Variants in NEU4 observed in about 807,000 individuals in gnomAD.
NEU4 encodes sialidase-4.
Under a neutral mutation model 9.9 loss-of-function variants are expected in NEU4, and 7 were observed. The ratio of observed to expected loss-of-function variants is 0.71; its 90% confidence interval spans 0.40 to 1.33. NEU4 has a LOEUF of 1.33. Among genes scored for constraint, NEU4 ranks in the 40% most tolerant of loss-of-function variants. The pLI, the probability that NEU4 is intolerant of heterozygous loss-of-function variation, is 0.01. For missense variants in NEU4, 717 were observed against 712.6 expected, an observed-to-expected ratio of 1.01 and a Z score of -0.07; for synonymous variants, 348 against 316.9, an observed-to-expected ratio of 1.10 and a Z score of -1.04.
intron 1 of NEU4, chr2:241,813,416 C>CAA (rs1700191201): frequency 1.8e-6 from 2 of 1,099,418 alleles, no homozygotes; most frequent in African/African-American, 3.4e-5. Context: ...GACCAGCGTT[C>CAA]CCACTGTCTG....
chr2:241,814,402 A>G (rs66482163), intron 1 of NEU4, 80 bp from the exon 2 acceptor site: 851,540 of 1,376,012 alleles, frequency 0.62, 265,409 homozygotes, highest in Non-Finnish European at 0.64. Flanking sequence ...TCCTGAGCGC[A>G]TTCCCCAGTC....
intron 1 of NEU4, chr2:241,810,822 A>G (rs1183616709): frequency 2.1e-6 from 1 of 472,604 alleles, no homozygotes; most frequent in African/African-American, 2.3e-5. Flanking sequence ...GACTGGCAGG[A>G]GTCCTGCGGG....
rs1214696827 is a variant in NEU4 at position 241,817,342 on chromosome 2, G to A, written c.*294G>A. ...GGCGCGGGACCGCAGGTAGCCCAGG[G>A]TGTTGTGGGTGGCAGCACTTGTTTA... On this transcript the variant is annotated 3_prime_UTR_variant, in exon 4 of 4. Transcript: ENST00000407683. 9.0e-6 allele frequency: 4 copies of A among 442,182 alleles called. No homozygotes were observed. The highest frequency in any genetic ancestry group is 6.8e-5 in the East Asian group (2 of 29,246). The allele number at this position is 442,182 out of a possible 1,614,324, so 27.4% of individuals were successfully genotyped here. A position where few individuals can be genotyped will look rare whatever the true frequency, so the allele number is the denominator to read the frequency against.
At chr2:241,810,726 G>GCA (rs1700084581) in intron 1 of NEU4, 2 of 158,554 alleles carry the variant, frequency 1.3e-5, no homozygotes, top group African/African-American at 2.4e-5. Flanking sequence ...CAGGAGTCCT[G>GCA]CGGGGACAGG....
At position 241,814,688 on chromosome 2, in the gene NEU4, G is replaced by A. The variant is rs572280827; in HGVS notation, c.201+3G>A. 38 of 1,545,756 alleles carry A rather than the reference G, an allele frequency of 2.5e-5. No homozygotes were observed. The East Asian group carries it at 7.5e-4, about 31-fold the overall frequency. On this transcript the variant is annotated splice_donor_region_variant and intron_variant, in intron 2 of 3. Transcript: ENST00000407683. ...CGCTGGCCGGGGGCTCCGTGCGGGT[G>A]AGTGAGTGGCCGGGGGCTCTGTGTG... is the stretch of plus-strand genomic sequence containing the variant.
Position 241,814,893 on chromosome 2 carries a change from G to C in NEU4, c.203G>C (p.Trp68Ser). The stretch of plus-strand genomic sequence containing the variant: ...AGCGGAACTTCCTCCTCTGGGCAGT[G>C]GGGTGCCCTGCACGTGCTGGGGACA... ...RGTLAGGSVR[W>S]GALHVLGTAA... The change falls in exon 3 of 4, where the codon TGG (tryptophan) becomes TCG (serine). Residue 68 changes from tryptophan to serine, a missense_variant and splice_region_variant. Physicochemically the swap from Trp to Ser is radical, Grantham distance 177 (BLOSUM62 -3). Coordinates refer to ENST00000407683, the MANE Select transcript of NEU4 (RefSeq NM_001167600.3). The C allele has an allele frequency of 6.2e-7, 1 of 1,608,204 alleles. No homozygotes were observed.
At chr2:241,814,277 C>T (rs1389648763) in intron 1 of NEU4, 21 of 613,258 alleles carry the variant, frequency 3.4e-5, no homozygotes, top group African/African-American at 1.1e-4. Flanking sequence ...GGAGTGGGTG[C>T]GAGGGAGGGT....
At chr2:241,812,945 C>T (rs901753060) in intron 1 of NEU4, among the ~76,000 whole-genome samples, 2 of 152,328 alleles carry the variant, frequency 1.3e-5, no homozygotes, top group African/African-American at 2.4e-5. Context: ...GGACACATGG[C>T]GTCTGCACCT....
At chr2:241,813,547 G>T (rs899826585) in intron 1 of NEU4, 19 of 1,269,178 alleles carry the variant, frequency 1.5e-5, no homozygotes, top group Middle Eastern at 2.5e-4. Context: ...GACCCCATGC[G>T]TGCCCCAAAT....
In NEU4 at chr2:241,815,039, A is replaced by G; in HGVS notation, c.349A>G (p.Thr117Ala). The change falls in exon 3 of 4, where the codon ACG (threonine) becomes GCG (alanine). Residue 117 changes from threonine to alanine, a missense_variant. Physicochemically the swap from Thr to Ala is moderately conservative, Grantham distance 58. Coordinates refer to ENST00000407683, the MANE Select transcript of NEU4 (RefSeq NM_001167600.3). ...GHTPEAVQIATGRNAARLCCV... is the reference protein window; with the variant it reads ...GHTPEAVQIAAGRNAARLCCV... Reference sequence around the variant, plus strand: ...CACGCCTGAGGCCGTGCAGATCGCCACGGGAAGGAACGCCGCGCGCCTCTG... The same window carrying G: ...CACGCCTGAGGCCGTGCAGATCGCCGCGGGAAGGAACGCCGCGCGCCTCTG... The G allele has an allele frequency of 6.3e-7, 1 of 1,596,378 alleles. No homozygotes were observed. Among genetic ancestry groups the G allele is most frequent in the Non-Finnish European group, 8.5e-7 (1 of 1,176,968 alleles).
At chr2:241,811,089 C>G in intron 1 of NEU4, 1 of 1,176,084 alleles carries the variant, frequency 8.5e-7, no homozygotes, top group Non-Finnish European at 1.0e-6. Context: ...AGGGCCGCGT[C>G]TCTGGAGCAG....
At position 241,816,235 on chromosome 2, in the gene NEU4, C is replaced by T. The variant is rs373188260; in HGVS notation, c.642C>T (p.Leu214=). The change falls in exon 4 of 4, where the codon CTC becomes CTT. Residue 214 remains leucine, a synonymous_variant. Transcript: ENST00000407683. ...GCCGCACCTGGCGCTGTGGAGGCCT[C>T]GTGCCCAACCTGCGCTCAGGCGAGT... The part of the protein sequence containing the change: ...DHGRTWRCGG[L]VPNLRSGECQ... 149 of 1,611,138 alleles carry T rather than the reference C, an allele frequency of 9.2e-5. No individual in the cohort carries two copies. Among genetic ancestry groups the T allele is most frequent in the East Asian group, 3.1e-4 (14 of 44,810 alleles).
chr2:241,809,448 C>G, intron 1 of NEU4, 174 bp downstream of exon 1: 1 of 364,232 alleles, frequency 2.7e-6, no homozygotes, highest in South Asian at 2.1e-5. Context: ...GCCGAAACTG[C>G]TCTTGGGGGA....
rs1466784563 is a variant in NEU4, at chr2:241,816,457, C to T, written c.864C>T (p.Pro288=). Residue 288 remains proline (P), a synonymous_variant, in exon 4 of 4, where the codon CCC becomes CCT. Coordinates refer to ENST00000407683, the MANE Select transcript of NEU4 (RefSeq NM_001167600.3). ...GSIVGFPAPA[P]NRPRDDSWSV... Reference sequence around the variant, plus strand: ...TCGTGGGCTTCCCAGCCCCCGCCCCCAACAGGCCACGGGATGACAGTTGGT... The same window carrying T: ...TCGTGGGCTTCCCAGCCCCCGCCCCTAACAGGCCACGGGATGACAGTTGGT... 1.2e-6 allele frequency: 2 copies of T among 1,609,092 alleles called. No individual in the cohort carries two copies. The highest frequency in any genetic ancestry group is 4.5e-5 in the East Asian group (2 of 44,780).
At chr2:241,811,065 G>A (rs1428965333) in intron 1 of NEU4, 6 of 1,128,380 alleles carry the variant, frequency 5.3e-6, no homozygotes, top group East Asian at 4.5e-5. Context: ...GTGCACTCAC[G>A]GAGCCCTCCT....
Position 241,816,756 on chromosome 2 carries a change from C to T in NEU4, c.1163C>T (p.Ala388Val). Residue 388 changes from alanine to valine, a missense_variant, in exon 4 of 4, where the codon GCT (alanine) becomes GTT (valine). By Grantham distance (64) the Ala-to-Val change is moderately conservative. Transcript: ENST00000407683. ...TACTCCCACCCAGTGGGGCGCAGGG[C>T]TCGGCTACACATGGGTATCCGCCTG... ...LLYSHPVGRR[A>V]RLHMGIRLSQ... is the part of the protein sequence containing the mutation. 6.4e-7 allele frequency: 1 copy of T among 1,574,166 alleles called. No homozygotes were observed. Among genetic ancestry groups the T allele is most frequent in the African/African-American group, 1.4e-5 (1 of 74,014 alleles).
chr2:241,815,313 T>C, intron 3 of NEU4, 166 bp downstream of exon 3: 2 of 1,007,856 alleles, frequency 2.0e-6, no homozygotes, highest in East Asian at 5.3e-5. Flanking sequence ...CCCAGGCAAA[T>C]CCCTCTCCCC....
chr2:241,814,510 G>C lies in NEU4; in HGVS notation c.26G>C (p.Arg9Pro). ...ATGGGGGTCCCTCGTACCCCTTCAC[G>C]GACAGTGCTCTTCGAGCGGGAGAGG... MGVPRTPS[R>P]TVLFERERTG... Residue 9 changes from arginine (R) to proline (P), a missense_variant, in exon 2 of 4, where the codon CGG becomes CCG. Arg to Pro is a moderately radical substitution (Grantham distance 103). Coordinates refer to ENST00000407683, the MANE Select transcript of NEU4 (RefSeq NM_001167600.3). The C allele has an allele frequency of 1.2e-6, 2 of 1,611,196 alleles. No individual in the cohort carries two copies. Among genetic ancestry groups the C allele is most frequent in the Non-Finnish European group, 1.7e-6 (2 of 1,178,586 alleles).
rs1553619187 is a variant in NEU4, at chr2:241,814,670, CG to C, written c.191del (p.Gly64AlafsTer22). ...RLVLRRGTLA[G>X]GSVRWGALHV... ...TGGTGCTGAGGAGGGGCACGCTGGCCGGGGGCTCCGTGCGGGTGAGTGAGTG... is the reference window on the plus strand; with the variant it reads ...TGGTGCTGAGGAGGGGCACGCTGGCCGGGGCTCCGTGCGGGTGAGTGAGTG... On this transcript the variant is annotated frameshift_variant, in exon 2 of 4. Coordinates refer to ENST00000407683, the MANE Select transcript of NEU4 (RefSeq NM_001167600.3). LOFTEE classifies it high-confidence loss of function. 2 of 1,556,706 alleles carry C rather than the reference CG, an allele frequency of 1.3e-6. No individual in the cohort carries two copies. Among genetic ancestry groups the C allele is most frequent in the Non-Finnish European group, 1.7e-6 (2 of 1,153,016 alleles).
Sources: gnomAD v4.1 joint callset for allele counts (sites outside exome capture counted in the v4.1 genomes callset) on GRCh38, gnomAD v4.1.1 for gene constraint, MANE v1.5 for transcripts, NCBI Gene and HGNC (gene_info 2026-07-23, HGNC 2026-07-21) for gene names.